Variants in ZNF880 observed in about 807,000 individuals in gnomAD.
ZNF880 encodes the protein zinc finger protein LOC400713.
Under a neutral mutation model 11.8 loss-of-function variants are expected in ZNF880, and 12 were observed. The ratio of observed to expected loss-of-function variants is 1.02; its 90% CI spans 0.65 to 1.65. The LOEUF (loss-of-function observed/expected upper bound fraction) is 1.65, where lower values mean the gene tolerates loss of function less well. Among genes scored for constraint, ZNF880 ranks in the 40% most tolerant of loss-of-function variants. The probability of loss-of-function intolerance (pLI) is 0.00; values close to 1 mark genes in which losing one functional copy is unlikely to be tolerated. For missense variants in ZNF880, 601 were observed against 673.9 expected (o/e 0.89, Z 1.20); for synonymous variants, 210 against 232.4 (o/e 0.90, Z 0.88).
At chr19:52,377,882 C>A (rs1986600052) in intron 3 of ZNF880, among the ~76,000 whole-genome samples, 1 of 152,200 alleles carries the variant, frequency 6.6e-6, no homozygotes, top group African/African-American at 2.4e-5. Context: ...GAGTCTTGCT[C>A]TGTCACAGGC....
intron 1 of ZNF880, among the ~76,000 whole-genome samples, chr19:52,370,871 C>G (rs1377153677): frequency 1.3e-5 from 2 of 152,180 alleles, no homozygotes; most frequent in Admixed American, 6.5e-5. Context: ...GCCAGGAATT[C>G]AAGGCTGTAG....
intron 3 of ZNF880, among the ~76,000 whole-genome samples, chr19:52,383,093 T>C (rs1380895726): frequency 6.6e-6 from 1 of 152,206 alleles, no homozygotes; most frequent in East Asian, 1.9e-4. Context: ...ACTTCAGTTA[T>C]CATATTTAAG....
downstream of ZNF880, chr19:52,389,669 G>A (rs879397065): frequency 6.6e-6 from 1 of 152,278 alleles, no homozygotes; most frequent in African/African-American, 2.4e-5. Flanking sequence ...GTCTATAGGA[G>A]GGTGGCCCTT....
chr19:52,378,645 C>CAAA (rs3070397), intron 3 of ZNF880, among the ~76,000 whole-genome samples: 5 of 85,154 alleles, frequency 5.9e-5, no homozygotes, highest in African/African-American at 1.4e-4. Flanking sequence ...GACTCTGTCT[C>CAAA]AAAAAAAAAA....
intron 3 of ZNF880, among the ~76,000 whole-genome samples, chr19:52,376,015 G>T (rs879125636): frequency 2.6e-5 from 4 of 152,136 alleles, no homozygotes; most frequent in African/African-American, 4.8e-5. Flanking sequence ...CCATTTTATG[G>T]CTGAATAGCA....
chr19:52,378,202 A>G (rs1284473579), intron 3 of ZNF880, among the ~76,000 whole-genome samples: 4 of 152,206 alleles, frequency 2.6e-5, no homozygotes, highest in Admixed American at 6.5e-5. Flanking sequence ...TCAGGAGCCA[A>G]CGAAGAGACC....
chr19:52,387,451 A>T (rs1599792931), downstream of ZNF880, among the ~76,000 whole-genome samples: 7 of 64,628 alleles, frequency 1.1e-4, no homozygotes, highest in Non-Finnish European at 1.8e-4. Flanking sequence ...TATGACAAAT[A>T]CTTTTTTTTT....
chr19:52,378,667 GAA>G (rs1986624323), intron 3 of ZNF880, among the ~76,000 whole-genome samples: 1 of 129,674 alleles, frequency 7.7e-6, no homozygotes, highest in East Asian at 2.3e-4. Flanking sequence ...AAAAAAAAAA[GAA>G]AGATCCTTTA....
Position 52,384,850 on chromosome 19 carries a change from A to G in ZNF880, c.1270A>G (p.Thr424Ala). 1.2e-6 allele frequency: 2 copies of G among 1,612,126 alleles called. 1 individual carries two copies. The highest frequency in any genetic ancestry group is 1.7e-6 in the Non-Finnish European group (2 of 1,178,758). Reference protein sequence around the residue: ...GKAFRDCSGLTAHLLIHTGEK... With the variant: ...GKAFRDCSGLAAHLLIHTGEK... The stretch of plus-strand genomic sequence containing the variant: ...AGCATTTAGAGACTGTTCAGGCCTT[A>G]CTGCCCATCTACTAATTCACACTGG... Residue 424 changes from threonine (T) to alanine (A), a missense_variant, in exon 4 of 4, where the codon ACT (threonine) becomes GCT (alanine). By Grantham distance (58) the Thr-to-Ala change is moderately conservative. Around this residue, in one of 3 missense-constraint regions of ZNF880, gnomAD observed 177 missense variants for 214.5 expected, o/e 0.83. Transcript: ENST00000422689.
chr19:52,392,263 C>A, the ZNF880 span, among the ~76,000 whole-genome samples: 1 of 148,982 alleles, frequency 6.7e-6, no homozygotes, highest in African/African-American at 2.5e-5. Flanking sequence ...GACTGACTTT[C>A]TTTCTCTTTC....
chr19:52,369,991 T>C lies in ZNF880; in HGVS notation c.12+14T>C. ...ATGCTGCGGCGTGTGAGTTTCCCTT[T>C]GTTTAGATTAAATCTGGGATGCTGA... On this transcript the variant is annotated intron_variant, in intron 1 of 3. Coordinates refer to ENST00000422689, the MANE Select transcript of ZNF880 (RefSeq NM_001145434.2). The C allele has an allele frequency of 6.4e-7, 1 of 1,551,576 alleles. No individual in the cohort carries two copies. The highest frequency in any genetic ancestry group is 8.7e-7 in the Non-Finnish European group (1 of 1,146,986).
At chr19:52,371,531 A>C (rs754011514) in intron 1 of ZNF880, among the ~76,000 whole-genome samples, 4 of 151,996 alleles carry the variant, frequency 2.6e-5, no homozygotes, top group Non-Finnish European at 4.4e-5. Context: ...GCCCACCAGT[A>C]CGCCTGGCTA....
chr19:52,374,820 C>G, intron 3 of ZNF880: 1 of 425,414 alleles, frequency 2.4e-6, no homozygotes, highest in Non-Finnish European at 4.3e-6. Context: ...CGTGTACCCT[C>G]AGTCTTTGGG....
Position 52,376,922 on chromosome 19 carries a change from T to C in ZNF880, c.268+2495T>C, listed in dbSNP as rs529388516. The stretch of plus-strand genomic sequence containing the variant: ...AGATACATAGTTTGCAAAGATTTTC[T>C]CCCATGCTGTGGGTTGTCTGTTTAC... On this transcript the variant is annotated intron_variant, in intron 3 of 3. Transcript: ENST00000422689. 2.0e-5 allele frequency among the ~76,000 whole-genome samples: 3 copies of C among 152,192 alleles called. 1 individual carries two copies. The South Asian group carries it at 6.2e-4, about 31-fold the overall frequency.
At chr19:52,381,104 T>A (rs1298874633) in intron 3 of ZNF880, among the ~76,000 whole-genome samples, 1 of 152,028 alleles carries the variant, frequency 6.6e-6, no homozygotes, top group Non-Finnish European at 1.5e-5. Flanking sequence ...CTATACTTAG[T>A]TTTTTTAAAT....
At chr19:52,376,632 C>G (rs923061382) in intron 3 of ZNF880, among the ~76,000 whole-genome samples, 3 of 151,128 alleles carry the variant, frequency 2.0e-5, no homozygotes, top group African/African-American at 7.3e-5. Flanking sequence ...GCCTCAGCCT[C>G]CTGAGTAGCT....
chr19:52,374,703 G>T, intron 3 of ZNF880: 1 of 613,440 alleles, frequency 1.6e-6, no homozygotes, highest in Non-Finnish European at 2.9e-6. Flanking sequence ...GAAAATAAAA[G>T]TTTAAATCCT....
chr19:52,389,590 A>T (rs2058700266), downstream of ZNF880: 1 of 152,208 alleles, frequency 6.6e-6, no homozygotes, highest in Non-Finnish European at 1.5e-5. Flanking sequence ...CTGCTTTCAC[A>T]GGCTGGTGTT....
intron 3 of ZNF880, among the ~76,000 whole-genome samples, chr19:52,381,213 G>A (rs763445909): frequency 6.6e-6 from 1 of 152,070 alleles, no homozygotes; most frequent in African/African-American, 2.4e-5. Context: ...GCCTCCCAAA[G>A]GGCTGTGATT....
Sources: gnomAD v4.1 joint callset for allele counts (sites outside exome capture counted in the v4.1 genomes callset) on GRCh38, gnomAD v4.1.1 for gene constraint, gnomAD v4.1.1 regional missense constraint, MANE v1.5 for transcripts, NCBI Gene and HGNC (gene_info 2026-07-23, HGNC 2026-07-21) for gene names.